The following BTBD8 variants were observed in gnomAD, a reference collection of about 807,000 sequenced individuals.
BTBD8 encodes the protein BTB/POZ domain-containing protein 8.
BTBD8 carries 110 observed loss-of-function variants against 162.9 expected under a neutral mutation model. The observed-to-expected ratio is 0.68, with a 90% CI of 0.58 to 0.79. The LOEUF (loss-of-function observed/expected upper bound fraction) is 0.79, where lower values mean the gene tolerates loss of function less well. Ranked by LOEUF, BTBD8 falls within the 30% of genes least tolerant of loss-of-function variation. The probability of loss-of-function intolerance (pLI) is 0.00; values close to 1 mark genes in which losing one functional copy is unlikely to be tolerated. For missense variants in BTBD8, 1,905 were observed against 2,085.4 expected, an observed-to-expected ratio of 0.91 and a Z score of 1.68; for synonymous variants, 667 against 716.1, an observed-to-expected ratio of 0.93 and a Z score of 1.10.
chr1:92,171,423 G>A lies in BTBD8; in HGVS notation c.1598G>A (p.Arg533Gln), dbSNP rs1312346107. 9.1e-6 allele frequency: 14 copies of A among 1,537,036 alleles called. No homozygotes were observed. In the African/African-American group the frequency reaches 1.2e-4, roughly 14 times the overall value. Residue 533 changes from arginine to glutamine, a missense_variant, in exon 13 of 18, where the codon CGA becomes CAA. Physicochemically the swap from Arg to Gln is conservative, Grantham distance 43. This residue lies in a region of BTBD8 where 1,374 missense variants were observed against 1,442.7 expected (regional missense o/e 0.95). Coordinates refer to ENST00000636805, the MANE Select transcript of BTBD8 (RefSeq NM_001376131.1). ...QAAAFDKGDD[R>Q]RLGKKPIFSS... Reference sequence around the variant, plus strand: ...GCTGCATTTGACAAAGGTGATGATCGAAGACTTGGCAAAAAGCCTATATTC... The same window carrying A: ...GCTGCATTTGACAAAGGTGATGATCAAAGACTTGGCAAAAAGCCTATATTC...
At chr1:92,093,170 T>C (rs1246226781) in intron 2 of BTBD8, among the ~76,000 whole-genome samples, 4 of 148,848 alleles carry the variant, frequency 2.7e-5, no homozygotes, top group South Asian at 4.2e-4. Flanking sequence ...AGGCTCATCA[T>C]TGAGTTTGAA....
At chr1:92,106,659 T>C (rs1214918799) in intron 3 of BTBD8, among the ~76,000 whole-genome samples, 1 of 3,946 alleles carries the variant, frequency 2.5e-4, no homozygotes, top group African/African-American at 1.4e-3. Flanking sequence ...AGACTCTGTC[T>C]CAAAAAAAAA....
intron 5 of BTBD8, among the ~76,000 whole-genome samples, chr1:92,133,918 C>G (rs890772976): frequency 1.3e-5 from 2 of 151,160 alleles, no homozygotes; most frequent in Admixed American, 1.3e-4. Context: ...TGCAGCGAGC[C>G]GAGATCGTGC....
At chr1:92,086,980 A>C (rs1473515963) in intron 1 of BTBD8, among the ~76,000 whole-genome samples, 2 of 152,164 alleles carry the variant, frequency 1.3e-5, no homozygotes, top group Non-Finnish European at 2.9e-5. Flanking sequence ...TATGAGATGG[A>C]AAGAAGCTGG....
At chr1:92,168,789 AG>A in intron 11 of BTBD8, 76 bp from the exon 12 acceptor site, 2 of 1,333,456 alleles carry the variant, frequency 1.5e-6, no homozygotes, top group Non-Finnish European at 2.0e-6. Context: ...AGGAGTAAGT[AG>A]ATTCTGAAAG....
intron 9 of BTBD8, among the ~76,000 whole-genome samples, chr1:92,158,338 C>T (rs1650206397): frequency 6.8e-6 from 1 of 146,712 alleles, no homozygotes; most frequent in African/African-American, 2.6e-5. Context: ...TTTCTTTGTG[C>T]TTTATTTTCT....
At chr1:92,088,411 AT>A (rs1260833504) in intron 1 of BTBD8, among the ~76,000 whole-genome samples, 1 of 152,150 alleles carries the variant, frequency 6.6e-6, no homozygotes, top group Non-Finnish European at 1.5e-5. Flanking sequence ...AGCAGAAAAT[AT>A]TTTTTTATTA....
intron 9 of BTBD8, among the ~76,000 whole-genome samples, chr1:92,151,114 A>C (rs536000528): frequency 6.6e-6 from 1 of 152,286 alleles, no homozygotes; most frequent in South Asian, 2.1e-4. Context: ...GCACTTTGGG[A>C]GGACGAGGTG....
chr1:92,151,352 CAAAAAAAAA>C (rs11406119), intron 9 of BTBD8, among the ~76,000 whole-genome samples: 2 of 127,968 alleles, frequency 1.6e-5, no homozygotes, highest in Non-Finnish European at 3.3e-5. Flanking sequence ...GAAACTGTCT[CAAAAAAAAA>C]AAAAAAAAGT....
At chr1:92,143,969 CTTT>C (rs935357789) in intron 7 of BTBD8, among the ~76,000 whole-genome samples, 7 of 103,212 alleles carry the variant, frequency 6.8e-5, no homozygotes, top group South Asian at 3.3e-4. Flanking sequence ...ACTTTTAGTT[CTTT>C]TTTTTTTTTT....
intron 4 of BTBD8, among the ~76,000 whole-genome samples, chr1:92,120,709 A>G (rs1649186376): frequency 6.6e-6 from 1 of 152,158 alleles, no homozygotes; most frequent in Non-Finnish European, 1.5e-5. Flanking sequence ...ATCTTATGGG[A>G]CCATCTTCAT....
In BTBD8 at chr1:92,140,161, C is replaced by T. The variant is rs142540519; in HGVS notation, c.833+731C>T. On this transcript the variant is annotated intron_variant, in intron 6 of 17. Transcript: ENST00000636805. ...CATTTGCCAGGCGTGATGGCTCACA[C>T]CTGTAATCCCAGCACTTAGGGAGGC... Among the ~76,000 whole-genome samples, 1,327 of 150,896 alleles carry T rather than the reference C, an allele frequency of 8.8e-3. 16 individuals carry two copies. Among genetic ancestry groups the T allele is most frequent in the African/African-American group, 0.03 (1,245 of 41,126 alleles).
chr1:92,164,690 C>G (rs966069811), intron 9 of BTBD8, among the ~76,000 whole-genome samples: 10 of 146,562 alleles, frequency 6.8e-5, no homozygotes, highest in Non-Finnish European at 1.5e-4. Context: ...ATGGCGGGGT[C>G]TTGCTCTGTC....
At position 92,184,486 on chromosome 1, in the gene BTBD8, A is replaced by G. The variant is rs906217252; in HGVS notation, c.*156A>G. On this transcript the variant is annotated 3_prime_UTR_variant, in exon 18 of 18. Transcript: ENST00000636805. ...CATAGTTTATTTATTAATATATCAC[A>G]TATAGAAAAATGTTTTTCTAAAGTT... The G allele has an allele frequency of 2.2e-6, 1 of 461,152 alleles. No individual in the cohort carries two copies. Among genetic ancestry groups the G allele is most frequent in the Non-Finnish European group, 3.8e-6 (1 of 266,596 alleles). 28.6% of individuals were successfully genotyped at this position (461,152 alleles called of 1,614,324 possible). A position where few individuals can be genotyped will look rare whatever the true frequency, so the allele number is the denominator to read the frequency against.
At chr1:92,101,066 C>T (rs1648579214) in intron 2 of BTBD8, among the ~76,000 whole-genome samples, 1 of 152,056 alleles carries the variant, frequency 6.6e-6, no homozygotes, top group Non-Finnish European at 1.5e-5. Flanking sequence ...GTCTTTTATC[C>T]CTCATCCTCC....
chr1:92,177,676 T>A, intron 14 of BTBD8, 130 bp downstream of exon 14: 2 of 823,150 alleles, frequency 2.4e-6, no homozygotes, highest in Non-Finnish European at 3.9e-6. Flanking sequence ...TATATGTACT[T>A]ATGCAAACAG....
intron 2 of BTBD8, among the ~76,000 whole-genome samples, chr1:92,091,246 T>G (rs537345785): frequency 6.6e-6 from 1 of 152,242 alleles, no homozygotes. Context: ...CTAGAGCTCT[T>G]CCTCCTCCTC....
At chr1:92,111,740 G>A (rs1226528461) in intron 4 of BTBD8, among the ~76,000 whole-genome samples, 3 of 152,204 alleles carry the variant, frequency 2.0e-5, no homozygotes, top group Non-Finnish European at 4.4e-5. Context: ...CTGGCACATT[G>A]TAAGCTTTCA....
At chr1:92,166,842 TG>T in intron 9 of BTBD8, 115 bp from the exon 10 acceptor site, 1 of 978,866 alleles carries the variant, frequency 1.0e-6, no homozygotes, top group South Asian at 2.0e-5. Context: ...ATTAGCTACC[TG>T]GAATTTTGTT....
Sources: gnomAD v4.1 joint callset for allele counts (sites outside exome capture counted in the v4.1 genomes callset) on GRCh38, gnomAD v4.1.1 for gene constraint, gnomAD v4.1.1 regional missense constraint, MANE v1.5 for transcripts, NCBI Gene and HGNC (gene_info 2026-07-23, HGNC 2026-07-21) for gene names.